DAPK1: variants seen among roughly 807,000 people sequenced by gnomAD.
DAPK1 encodes the protein death-associated protein kinase 1.
DAPK1 carries 56 observed loss-of-function variants against 144.9 expected under a neutral mutation model. The ratio of observed to expected loss-of-function variants is 0.39; its 90% CI spans 0.31 to 0.48. The LOEUF (loss-of-function observed/expected upper bound fraction) is 0.48, where lower values mean the gene tolerates loss of function less well. Ranked by LOEUF, DAPK1 falls within the 20% of genes least tolerant of loss-of-function variation. DAPK1 has a pLI of 0.95. For missense variants in DAPK1, 1,454 were observed against 1,875.4 expected (o/e 0.78, Z 4.15); for synonymous variants, 690 against 749.0 (o/e 0.92, Z 1.29).
Position 87,575,824 on chromosome 9 carries a change from C to T in DAPK1, c.63-29130C>T, listed in dbSNP as rs551552415. Among the ~76,000 whole-genome samples the T allele has an allele frequency of 7.1e-4, 108 of 152,202 alleles. No homozygotes were observed. In the South Asian group the frequency reaches 0.01, roughly 14 times the overall value. ...AAAAATAGGAATAATTTCCTTCAAC[C>T]TAATCATCCCAAACTCAAACAAAAC... On this transcript the variant is annotated intron_variant, in intron 2 of 25. Transcript: ENST00000408954.
chr9:87,569,334 T>C (rs1558891), intron 2 of DAPK1, among the ~76,000 whole-genome samples: 2,303 of 152,318 alleles, frequency 0.015, 74 homozygotes, highest in African/African-American at 0.053. Context: ...CTTTGCCCCA[T>C]GGACTGAATC....
At chr9:87,542,865 C>T (rs1471804702) in intron 2 of DAPK1, among the ~76,000 whole-genome samples, 2 of 152,218 alleles carry the variant, frequency 1.3e-5, no homozygotes, top group Non-Finnish European at 2.9e-5. Flanking sequence ...ATGCCTCACA[C>T]TCCCCAGGAC....
intron 11 of DAPK1, among the ~76,000 whole-genome samples, chr9:87,644,797 TA>T (rs771495050): frequency 3.3e-5 from 5 of 152,178 alleles, no homozygotes; most frequent in Non-Finnish European, 7.4e-5. Context: ...GGTGGAAAGA[TA>T]CCCTCCCAGA....
intron 2 of DAPK1, among the ~76,000 whole-genome samples, chr9:87,577,989 G>A (rs1037622032): frequency 6.6e-6 from 1 of 152,084 alleles, no homozygotes; most frequent in African/African-American, 2.4e-5. Context: ...GATGAGGCGC[G>A]AGAAGCTACC....
chr9:87,673,432 G>A (rs112256079), intron 19 of DAPK1, among the ~76,000 whole-genome samples: 3 of 152,294 alleles, frequency 2.0e-5, no homozygotes, highest in African/African-American at 7.2e-5. Context: ...TATTTGCTAG[G>A]GAAGCAATGG....
Position 87,565,099 on chromosome 9 carries a change from T to C in DAPK1, c.63-39855T>C, listed in dbSNP as rs185813941. Among the ~76,000 whole-genome samples, 586 of 152,252 alleles carry C rather than the reference T, an allele frequency of 3.8e-3. 3 individuals carry two copies. The highest frequency in any genetic ancestry group is 0.027 in the Middle Eastern group (8 of 294). ...GCTGTGGAAATTCCCAGAAAGACTTTTCACACAGAAGCTCAAAGGGCCCGA... is the reference window on the plus strand; with the variant it reads ...GCTGTGGAAATTCCCAGAAAGACTTCTCACACAGAAGCTCAAAGGGCCCGA... On this transcript the variant is annotated intron_variant, in intron 2 of 25. Coordinates refer to ENST00000408954, the MANE Select transcript of DAPK1 (RefSeq NM_004938.4).
intron 19 of DAPK1, among the ~76,000 whole-genome samples, chr9:87,675,692 C>T (rs1824342242): frequency 6.6e-6 from 1 of 151,998 alleles, no homozygotes; most frequent in Non-Finnish European, 1.5e-5. Context: ...AGGAGGTGAT[C>T]TTGGCAGCCA....
chr9:87,528,975 A>T (rs1825614857), intron 2 of DAPK1, among the ~76,000 whole-genome samples: 1 of 152,034 alleles, frequency 6.6e-6, no homozygotes, highest in Non-Finnish European at 1.5e-5. Context: ...TCAACTGGTA[A>T]GGGAAGAATG....
At chr9:87,659,297 T>C (rs1830746116) in intron 18 of DAPK1, among the ~76,000 whole-genome samples, 1 of 152,088 alleles carries the variant, frequency 6.6e-6, no homozygotes, top group South Asian at 2.1e-4. Context: ...GTGAGGCCCC[T>C]TTCTAGGGCA....
chr9:87,700,575 C>T (rs1013458213), intron 24 of DAPK1, among the ~76,000 whole-genome samples: 5 of 152,062 alleles, frequency 3.3e-5, no homozygotes, highest in Non-Finnish European at 7.4e-5. Context: ...CATAGCTCAC[C>T]GTAACCTTGA....
intron 2 of DAPK1, among the ~76,000 whole-genome samples, chr9:87,582,937 A>G (rs2118837880): frequency 6.6e-6 from 1 of 152,194 alleles, no homozygotes; most frequent in South Asian, 2.1e-4. Context: ...CAGCAGCAGC[A>G]GCAGCAGTAG....
intron 2 of DAPK1, among the ~76,000 whole-genome samples, chr9:87,521,263 G>A (rs1476789678): frequency 6.6e-6 from 1 of 152,146 alleles, no homozygotes; most frequent in East Asian, 1.9e-4. Context: ...AAAATGAACA[G>A]TTGTCTCTTG....
chr9:87,695,577 C>A (rs1191293072), intron 21 of DAPK1, among the ~76,000 whole-genome samples: 1 of 152,136 alleles, frequency 6.6e-6, no homozygotes, highest in Non-Finnish European at 1.5e-5. Flanking sequence ...AAAGCAATTG[C>A]CCCCACATAC....
At position 87,526,046 on chromosome 9, in the gene DAPK1, G is replaced by T. The variant is rs189417103; in HGVS notation, c.62+26907G>T. On this transcript the variant is annotated intron_variant, in intron 2 of 25. Coordinates refer to ENST00000408954, the MANE Select transcript of DAPK1 (RefSeq NM_004938.4). ...TTATATGCTAGGAGTGGTGTCTCATGCCTGTAATCCTAGCACTTTGGGAGA... is the reference window on the plus strand; with the variant it reads ...TTATATGCTAGGAGTGGTGTCTCATTCCTGTAATCCTAGCACTTTGGGAGA... 1.8e-3 allele frequency among the ~76,000 whole-genome samples: 271 copies of T among 151,718 alleles called. 2 individuals carry two copies. The highest frequency in any genetic ancestry group is 6.4e-3 in the African/African-American group (264 of 41,340).
chr9:87,622,194 T>G (rs946959995), intron 3 of DAPK1, among the ~76,000 whole-genome samples: 1 of 152,044 alleles, frequency 6.6e-6, no homozygotes. Context: ...CTCTTTCCCA[T>G]GCGCCCTCGC....
chr9:87,552,281 T>A (rs1826519654), intron 2 of DAPK1, among the ~76,000 whole-genome samples: 1 of 151,948 alleles, frequency 6.6e-6, no homozygotes, highest in African/African-American at 2.4e-5. Flanking sequence ...GGGCTTTCTG[T>A]ACCTAGGACT....
rs113125719 is a variant in DAPK1 at position 87,584,664 on chromosome 9, T to TTGTGTGTGTGTGTGTGTGTG, written c.63-20282_63-20263dup. Among the ~76,000 whole-genome samples the TTGTGTGTGTGTGTGTGTGTG allele has an allele frequency of 1.4e-4, 20 of 140,406 alleles. 1 individual carries two copies. Among genetic ancestry groups the TTGTGTGTGTGTGTGTGTGTG allele is most frequent in the African/African-American group, 5.0e-4 (20 of 40,312 alleles). 92.1% of individuals were successfully genotyped at this position (140,406 alleles called of 152,430 possible). A position where few individuals can be genotyped will look rare whatever the true frequency, so the allele number is the denominator to read the frequency against. ...CTAACAAGTGAGAAATGATAGCTCA[T>TTGTGTGTGTGTGTGTGTGTG]TGTGTGTGTGTGTGTGTGTGTGTGT... On this transcript the variant is annotated intron_variant, in intron 2 of 25. Coordinates refer to ENST00000408954, the MANE Select transcript of DAPK1 (RefSeq NM_004938.4).
intron 21 of DAPK1, among the ~76,000 whole-genome samples, chr9:87,690,623 C>G (rs1420443747): frequency 6.6e-6 from 1 of 151,974 alleles, no homozygotes; most frequent in Non-Finnish European, 1.5e-5. Flanking sequence ...CAGCTTTTCT[C>G]TATTCAGTAT....
rs756448009 is a variant in DAPK1, at chr9:87,648,816, T to C, written c.1365T>C (p.Tyr455=). ...GEMALHVAAR[Y]GHADVAQLLC... is the part of the protein sequence containing the mutation. ...TGGCCCTCCACGTGGCAGCTCGCTA[T>C]GGCCATGCTGACGTGGCTCAGTTAC... The change falls in exon 15 of 26, where the codon TAT becomes TAC. Residue 455 remains tyrosine (Y), a synonymous_variant. Coordinates refer to ENST00000408954, the MANE Select transcript of DAPK1 (RefSeq NM_004938.4). 6.2e-7 allele frequency: 1 copy of C among 1,614,270 alleles called. No individual in the cohort carries two copies.
Sources: allele counts gnomAD v4.1 joint callset (sites outside exome capture counted in the v4.1 genomes callset), GRCh38; gene constraint gnomAD v4.1.1; transcripts MANE v1.5; gene names NCBI Gene and HGNC (gene_info 2026-07-23, HGNC 2026-07-21).